The following KIAA1217 variants were observed in gnomAD, a reference collection of about 807,000 sequenced individuals.
The protein encoded by KIAA1217 is KIAA1217.
KIAA1217 carries 88 observed loss-of-function variants against 163.9 expected under a neutral mutation model. That is an observed-to-expected ratio of 0.54 (90% CI 0.45 to 0.64). The LOEUF is 0.64. KIAA1217 is among the 30% of genes least tolerant of loss of function. KIAA1217 has a pLI of 0.00. For missense variants in KIAA1217, 2,372 were observed against 2,475.0 expected (o/e 0.96, Z 0.88); for synonymous variants, 903 against 923.1 (o/e 0.98, Z 0.39).
chr10:23,999,038 A>C (rs1846624450), intron 1 of KIAA1217, among the ~76,000 whole-genome samples: 1 of 152,184 alleles, frequency 6.6e-6, no homozygotes, highest in African/African-American at 2.4e-5. Context: ...TTCTGAAAAT[A>C]ACTATCACTA....
At chr10:24,017,040 GTTT>G (rs35042335) in intron 2 of KIAA1217, among the ~76,000 whole-genome samples, 1,854 of 130,266 alleles carry the variant, frequency 0.014, 21 homozygotes, top group African/African-American at 0.042. Flanking sequence ...TAGTTTTTTT[GTTT>G]TTTTTTTTTT....
intron 1 of KIAA1217, among the ~76,000 whole-genome samples, chr10:23,861,748 C>T (rs545006149): frequency 6.6e-6 from 1 of 152,228 alleles, no homozygotes; most frequent in Non-Finnish European, 1.5e-5. Context: ...GGAATTTGGA[C>T]CTCAGTCCTG....
At chr10:24,291,645 TC>T (rs1030660075) in intron 2 of KIAA1217, among the ~76,000 whole-genome samples, 11 of 152,188 alleles carry the variant, frequency 7.2e-5, no homozygotes, top group African/African-American at 2.4e-4. Flanking sequence ...TTGTGTCCTG[TC>T]CGGTAGTGGG....
At chr10:24,081,420 G>T (rs1343151213) in intron 2 of KIAA1217, among the ~76,000 whole-genome samples, 1 of 152,174 alleles carries the variant, frequency 6.6e-6, no homozygotes, top group Non-Finnish European at 1.5e-5. Context: ...GATGAGACAG[G>T]TGGGCACAGC....
intron 2 of KIAA1217, among the ~76,000 whole-genome samples, chr10:24,263,553 A>T (rs770268781): frequency 2.0e-4 from 30 of 152,294 alleles, no homozygotes; most frequent in Admixed American, 5.2e-4. Context: ...GACTCCAAGG[A>T]CATTTTAACC....
intron 3 of KIAA1217, among the ~76,000 whole-genome samples, chr10:24,390,655 C>T (rs2054795681): frequency 2.0e-5 from 3 of 152,176 alleles, no homozygotes; most frequent in South Asian, 4.1e-4. Flanking sequence ...AAAACATTCT[C>T]TTAGTTTTCT....
At position 23,797,549 on chromosome 10, in the gene KIAA1217, G is replaced by C. The variant is rs373233725; in HGVS notation, c.-321+102315G>C. The stretch of plus-strand genomic sequence containing the variant: ...GTTTAATTGACTCACAGTTCCACAG[G>C]CTGTACAGGAAGCGTGGCTGGGGAG... On this transcript the variant is annotated intron_variant, in intron 1 of 18. Coordinates refer to the KIAA1217 transcript ENST00000376462. 3.9e-5 allele frequency among the ~76,000 whole-genome samples: 6 copies of C among 152,236 alleles called. No individual in the cohort carries two copies. The East Asian group carries it at 1.2e-3, about 29-fold the overall frequency.
intron 1 of KIAA1217, among the ~76,000 whole-genome samples, chr10:23,918,727 A>AAT (rs147936789): frequency 0.22 from 32,427 of 145,544 alleles, 3,628 homozygotes; most frequent in Middle Eastern, 0.38. Context: ...TTAAGAATTA[A>AAT]ATATATACAC....
At chr10:23,850,604 A>G (rs1839263568) in intron 1 of KIAA1217, among the ~76,000 whole-genome samples, 1 of 152,174 alleles carries the variant, frequency 6.6e-6, no homozygotes, top group Non-Finnish European at 1.5e-5. Flanking sequence ...TTGTTGAATA[A>G]CATTTATACA....
At chr10:24,432,118 C>CTTT (rs57893341) in intron 3 of KIAA1217, among the ~76,000 whole-genome samples, 2 of 116,430 alleles carry the variant, frequency 1.7e-5, no homozygotes, top group Non-Finnish European at 3.4e-5. Context: ...AAGTATCGTC[C>CTTT]TTTTTTTTTT....
chr10:23,898,492 A>G (rs1376341720), intron 1 of KIAA1217, among the ~76,000 whole-genome samples: 1 of 151,970 alleles, frequency 6.6e-6, no homozygotes, highest in Non-Finnish European at 1.5e-5. Flanking sequence ...TATATCTCTA[A>G]AAATTACATA....
intron 2 of KIAA1217, among the ~76,000 whole-genome samples, chr10:24,064,907 A>C (rs2131611387): frequency 6.6e-6 from 1 of 152,318 alleles, no homozygotes; most frequent in Admixed American, 6.5e-5. Context: ...CATTTCTTCT[A>C]GATTTTCTAG....
At chr10:23,943,066 A>C (rs1172136232) in intron 1 of KIAA1217, among the ~76,000 whole-genome samples, 1 of 152,160 alleles carries the variant, frequency 6.6e-6, no homozygotes, top group African/African-American at 2.4e-5. Context: ...TCAAGGTTGC[A>C]GTGAGTTATG....
intron 13 of KIAA1217, among the ~76,000 whole-genome samples, chr10:24,527,304 T>G (rs1237590288): frequency 2.0e-5 from 3 of 149,720 alleles, no homozygotes; most frequent in East Asian, 2.0e-4. Context: ...AAAACTCAAT[T>G]TAAAAAAATT....
At chr10:23,881,733 C>T (rs150964813) in intron 1 of KIAA1217, among the ~76,000 whole-genome samples, 1 of 151,924 alleles carries the variant, frequency 6.6e-6, no homozygotes, top group Admixed American at 6.6e-5. Context: ...ATGAAGAGGG[C>T]AGCTTGGATA....
chr10:24,433,673 C>T (rs780299437), intron 4 of KIAA1217, among the ~76,000 whole-genome samples: 20 of 152,140 alleles, frequency 1.3e-4, no homozygotes, highest in Non-Finnish European at 2.9e-4. Context: ...GTACTTCATT[C>T]ATATTGGAAC....
chr10:24,205,588 A>T (rs1373455133), upstream of KIAA1217, among the ~76,000 whole-genome samples: 1 of 151,664 alleles, frequency 6.6e-6, no homozygotes. Context: ...TCTGACTAAC[A>T]CGGTGAAACC....
chr10:24,398,773 T>G (rs534554237), intron 3 of KIAA1217, among the ~76,000 whole-genome samples: 5 of 152,288 alleles, frequency 3.3e-5, no homozygotes, highest in Non-Finnish European at 2.9e-5. Context: ...CATGCCCACC[T>G]GAGGCATTCT....
At chr10:24,189,105 CA>C (rs1286478652) in intron 2 of KIAA1217, among the ~76,000 whole-genome samples, 207 of 65,050 alleles carry the variant, frequency 3.2e-3, no homozygotes, top group Middle Eastern at 9.8e-3. Context: ...GACTCTGTCT[CA>C]AAAAAAAAAA....
Sources: allele counts gnomAD v4.1 joint callset (sites outside exome capture counted in the v4.1 genomes callset), GRCh38; gene constraint gnomAD v4.1.1; transcripts MANE v1.5; gene names NCBI Gene and HGNC (gene_info 2026-07-23, HGNC 2026-07-21).